EPHA6: variants seen among roughly 807,000 people sequenced by gnomAD.
The protein encoded by EPHA6 is ephrin type-A receptor 6.
In EPHA6, 50 loss-of-function variants were observed where a neutral mutation model predicts 112.0. The ratio of observed to expected loss-of-function variants is 0.45; its 90% confidence interval spans 0.36 to 0.56. The LOEUF (loss-of-function observed/expected upper bound fraction) is 0.56, where lower values mean the gene tolerates loss of function less well. Among genes scored for constraint, EPHA6 ranks in the 20% least tolerant of loss-of-function variants. The pLI, the probability that EPHA6 is intolerant of heterozygous loss-of-function variation, is 0.00. For missense variants in EPHA6, 1,280 were observed against 1,417.4 expected (o/e 0.90, Z 1.56); for synonymous variants, 529 against 490.7 (o/e 1.08, Z -1.03).
chr3:97,357,749 A>C (rs547796365), intron 5 of EPHA6, among the ~76,000 whole-genome samples: 1 of 152,330 alleles, frequency 6.6e-6, no homozygotes, highest in African/African-American at 2.4e-5. Flanking sequence ...ATAAGCAATT[A>C]ACACATATTT....
chr3:97,390,586 C>G (rs184476819), intron 5 of EPHA6, among the ~76,000 whole-genome samples: 1,444 of 143,356 alleles, frequency 0.01, 69 homozygotes, highest in Admixed American at 0.08. Context: ...GCTTCTACTC[C>G]CAAAAAGCAA....
intron 3 of EPHA6, among the ~76,000 whole-genome samples, chr3:97,018,943 G>A (rs556513118): frequency 2.6e-5 from 4 of 152,306 alleles, no homozygotes; most frequent in Non-Finnish European, 5.9e-5. Context: ...GGAGCCCTCT[G>A]GTAGCCCTGT....
chr3:97,084,356 C>A (rs1332914203), intron 3 of EPHA6, among the ~76,000 whole-genome samples: 1 of 151,532 alleles, frequency 6.6e-6, no homozygotes, highest in African/African-American at 2.4e-5. Flanking sequence ...GACATATACA[C>A]ACGCACACAA....
At chr3:97,139,127 A>T (rs940338452) in intron 3 of EPHA6, among the ~76,000 whole-genome samples, 2 of 152,130 alleles carry the variant, frequency 1.3e-5, no homozygotes, top group African/African-American at 4.8e-5. Context: ...CAGCCCACTC[A>T]GCTTTGTCAC....
chr3:97,432,544 C>T (rs1321602728), intron 6 of EPHA6, among the ~76,000 whole-genome samples: 1 of 152,108 alleles, frequency 6.6e-6, no homozygotes, highest in East Asian at 1.9e-4. Context: ...CAGAAAGAAG[C>T]ACTGTTTCTT....
At chr3:97,286,565 T>C (rs2080471712) in intron 5 of EPHA6, among the ~76,000 whole-genome samples, 1 of 152,204 alleles carries the variant, frequency 6.6e-6, no homozygotes, top group Admixed American at 6.5e-5. Flanking sequence ...AACTTACTTC[T>C]AGGTTCTTTA....
intron 14 of EPHA6, among the ~76,000 whole-genome samples, chr3:97,639,875 C>A (rs2093985514): frequency 6.6e-6 from 1 of 152,020 alleles, no homozygotes; most frequent in Non-Finnish European, 1.5e-5. Context: ...CTTTGAAAAG[C>A]TGTAGATTAT....
intron 3 of EPHA6, chr3:97,010,043 C>T (rs914511996): frequency 7.7e-7 from 1 of 1,295,702 alleles, no homozygotes; most frequent in Non-Finnish European, 1.0e-6. Flanking sequence ...GCCATCTTGG[C>T]CCCACCCCGA....
chr3:97,421,270 T>C (rs1197398029), intron 6 of EPHA6, among the ~76,000 whole-genome samples: 4 of 152,128 alleles, frequency 2.6e-5, no homozygotes, highest in Non-Finnish European at 5.9e-5. Context: ...ACTCTTTACA[T>C]AAAAATTTTT....
chr3:97,511,339 C>T (rs749498383), intron 10 of EPHA6, among the ~76,000 whole-genome samples: 11 of 152,168 alleles, frequency 7.2e-5, no homozygotes, highest in Non-Finnish European at 1.0e-4. Context: ...TCCTGTTCTG[C>T]GGGTTGTGAA....
At chr3:97,016,276 C>T (rs2044263768) in intron 3 of EPHA6, among the ~76,000 whole-genome samples, 1 of 152,042 alleles carries the variant, frequency 6.6e-6, no homozygotes, top group South Asian at 2.1e-4. Flanking sequence ...ATAAAATCAA[C>T]ACTTCTGAAT....
intron 3 of EPHA6, among the ~76,000 whole-genome samples, chr3:97,028,116 A>G (rs1287335702): frequency 6.6e-6 from 1 of 152,128 alleles, no homozygotes; most frequent in Non-Finnish European, 1.5e-5. Flanking sequence ...AGGATTAACA[A>G]TACTTGACTG....
At chr3:97,132,837 T>A (rs2075667986) in intron 3 of EPHA6, among the ~76,000 whole-genome samples, 1 of 152,046 alleles carries the variant, frequency 6.6e-6, no homozygotes, top group African/African-American at 2.4e-5. Context: ...TTACAAAAAC[T>A]AATCGAAGTA....
chr3:96,947,030 GTT>G (rs1233880230), intron 2 of EPHA6, among the ~76,000 whole-genome samples: 1 of 142,498 alleles, frequency 7.0e-6, no homozygotes, highest in Admixed American at 7.0e-5. Context: ...CTGTTTGTTT[GTT>G]TTTTTTTTTG....
At chr3:96,919,614 T>A (rs2039659589) in intron 2 of EPHA6, among the ~76,000 whole-genome samples, 1 of 151,884 alleles carries the variant, frequency 6.6e-6, no homozygotes. Context: ...TATAATTGAC[T>A]GTAATAACTT....
intron 5 of EPHA6, among the ~76,000 whole-genome samples, chr3:97,403,517 G>A (rs2087126064): frequency 6.6e-6 from 1 of 152,120 alleles, no homozygotes; most frequent in Non-Finnish European, 1.5e-5. Context: ...CACTCTCTCC[G>A]CTCACTGCAA....
intron 3 of EPHA6, among the ~76,000 whole-genome samples, chr3:97,202,499 G>T (rs1048028725): frequency 2.0e-5 from 3 of 151,818 alleles, no homozygotes; most frequent in African/African-American, 7.3e-5. Flanking sequence ...GCCCGGCTAG[G>T]TTTTTTGTAT....
chr3:97,537,466 G>A (rs1275925097), intron 11 of EPHA6, among the ~76,000 whole-genome samples: 1 of 152,084 alleles, frequency 6.6e-6, no homozygotes, highest in Admixed American at 6.6e-5. Flanking sequence ...ACAAATAAGT[G>A]TGTCATTATT....
chr3:97,474,358 A>G (rs926113671), intron 7 of EPHA6, among the ~76,000 whole-genome samples: 2 of 151,940 alleles, frequency 1.3e-5, no homozygotes. Flanking sequence ...AATTTAAGTT[A>G]AGGAACATTA....
Sources: allele counts gnomAD v4.1 joint callset (sites outside exome capture counted in the v4.1 genomes callset), GRCh38; gene constraint gnomAD v4.1.1; transcripts MANE v1.5; gene names NCBI Gene and HGNC (gene_info 2026-07-23, HGNC 2026-07-21).